Variants in FMN1 observed in about 807,000 individuals in gnomAD.
FMN1 encodes the protein formin-1.
In FMN1, 110 loss-of-function variants were observed where a neutral mutation model predicts 132.4. That is an observed-to-expected ratio of 0.83 (90% CI 0.71 to 0.97). The LOEUF is 0.97. Among genes scored for constraint, FMN1 ranks in the 50% least tolerant of loss-of-function variants. FMN1 has a pLI of 0.00. For synonymous variants in FMN1, 722 were observed against 651.7 expected, an observed-to-expected ratio of 1.11 and a Z score of -1.64; for missense variants, 1,792 against 1,705.3, an observed-to-expected ratio of 1.05 and a Z score of -0.90.
intron 9 of FMN1, among the ~76,000 whole-genome samples, chr15:32,945,999 T>TG (rs150243542): frequency 0.085 from 13,013 of 152,282 alleles, 876 homozygotes; most frequent in African/African-American, 0.18. Context: ...TAACAGCTGC[T>TG]GATATGTAAG....
intron 17 of FMN1, among the ~76,000 whole-genome samples, chr15:32,840,117 CTG>C (rs1483860616): frequency 1.3e-5 from 2 of 152,178 alleles, no homozygotes; most frequent in Non-Finnish European, 2.9e-5. Context: ...AGCTTGAGGT[CTG>C]TGGGCGAAAC....
intron 4 of FMN1, among the ~76,000 whole-genome samples, chr15:33,146,681 G>A (rs1396323450): frequency 3.3e-5 from 5 of 151,996 alleles, no homozygotes; most frequent in African/African-American, 9.7e-5. Context: ...CACAGCCCAG[G>A]GGCCACAAAG....
chr15:33,068,350 C>G (rs759322749), intron 5 of FMN1, among the ~76,000 whole-genome samples: 1 of 152,148 alleles, frequency 6.6e-6, no homozygotes, highest in Non-Finnish European at 1.5e-5. Context: ...AGTGCTGAGC[C>G]GGCAAGCTGA....
intron 4 of FMN1, among the ~76,000 whole-genome samples, chr15:33,136,911 A>T: frequency 6.6e-6 from 1 of 152,054 alleles, no homozygotes; most frequent in East Asian, 1.9e-4. Flanking sequence ...AACATGGTGA[A>T]ACCCTGTCTC....
At chr15:32,783,569 C>T (rs1161640448) in intron 19 of FMN1, among the ~76,000 whole-genome samples, 2 of 151,760 alleles carry the variant, frequency 1.3e-5, no homozygotes, top group Non-Finnish European at 1.5e-5. Context: ...CAGTGAATCC[C>T]CATCTCGACT....
At chr15:32,867,313 T>G (rs555906874) in intron 16 of FMN1, among the ~76,000 whole-genome samples, 1 of 152,224 alleles carries the variant, frequency 6.6e-6, no homozygotes, top group African/African-American at 2.4e-5. Flanking sequence ...AGGCCCTCCA[T>G]GCGCTACGTC....
At chr15:32,831,804 T>C (rs1441278665) in intron 17 of FMN1, among the ~76,000 whole-genome samples, 2 of 151,730 alleles carry the variant, frequency 1.3e-5, no homozygotes, top group African/African-American at 2.4e-5. Flanking sequence ...TGGGGATGCC[T>C]GTTCCCGGTG....
intron 5 of FMN1, chr15:33,067,875 C>T (rs192246010): frequency 1.1e-5 from 18 of 1,609,234 alleles, no homozygotes; most frequent in Admixed American, 5.0e-5. Flanking sequence ...GAATTATCAA[C>T]GTTCTCCATG....
intron 7 of FMN1, among the ~76,000 whole-genome samples, chr15:33,003,358 G>A (rs1271109578): frequency 6.6e-6 from 1 of 152,124 alleles, no homozygotes; most frequent in African/African-American, 2.4e-5. Flanking sequence ...AAAGTCTCAG[G>A]ATACAAAATC....
intron 9 of FMN1, among the ~76,000 whole-genome samples, chr15:32,952,507 TGAAGGC>T (rs2061676148): frequency 1.3e-5 from 2 of 152,170 alleles, no homozygotes; most frequent in Admixed American, 6.5e-5. Flanking sequence ...ACACCCAAGG[TGAAGGC>T]TCCAAAATCT....
At chr15:32,931,665 T>C (rs1417444495) in intron 9 of FMN1, among the ~76,000 whole-genome samples, 1 of 152,226 alleles carries the variant, frequency 6.6e-6, no homozygotes, top group Non-Finnish European at 1.5e-5. Flanking sequence ...TCTTACTATT[T>C]CATTTCCAAC....
intron 7 of FMN1, among the ~76,000 whole-genome samples, chr15:32,976,469 G>C (rs2032213457): frequency 6.6e-6 from 1 of 152,072 alleles, no homozygotes; most frequent in Non-Finnish European, 1.5e-5. Flanking sequence ...TAGTTAATTG[G>C]CTTATACTAG....
chr15:32,770,620 C>G lies in FMN1; in HGVS notation c.*3690G>C, dbSNP rs2056201043. The G allele has an allele frequency of 6.6e-6, 1 of 152,052 alleles. No homozygotes were observed. The highest frequency in any genetic ancestry group is 1.5e-5 in the Non-Finnish European group (1 of 68,024). The allele number at this position is 152,052 out of a possible 1,614,324, so 9.4% of individuals were successfully genotyped here. A position where few individuals can be genotyped will look rare whatever the true frequency, so the allele number is the denominator to read the frequency against. On this transcript the variant is annotated 3_prime_UTR_variant, in exon 21 of 21. Coordinates refer to ENST00000616417, the MANE Select transcript of FMN1 (RefSeq NM_001277313.2). The stretch of plus-strand genomic sequence containing the variant: ...TCTGAACTTTTCATTTAGGAAACAC[C>G]ATTCTTCATGGTGCTTATGAAAACA...
chr15:33,106,275 CACACA>C (rs2039481061), intron 4 of FMN1: 1 of 15,178 alleles, frequency 6.6e-5, no homozygotes, highest in African/African-American at 4.1e-4. Flanking sequence ...AACCAGAATC[CACACA>C]CACACACACA....
intron 17 of FMN1, among the ~76,000 whole-genome samples, chr15:32,856,496 C>A (rs186959192): frequency 1.3e-5 from 2 of 152,296 alleles, no homozygotes; most frequent in African/African-American, 4.8e-5. Context: ...CACTGACTAA[C>A]CCCCAGAGGG....
At position 32,776,884 on chromosome 15, in the gene FMN1, G is replaced by C. The variant is rs1488599164; in HGVS notation, c.4166C>G (p.Thr1389Ser). Residue 1389 changes from threonine to serine, a missense_variant, in exon 20 of 21, where the codon ACT becomes AGT. Around this residue, in one of 3 missense-constraint regions of FMN1, gnomAD observed 1,150 missense variants for 1,043.1 expected, o/e 1.10. Transcript: ENST00000616417. ...KMAQESVSKL[T>S]SEKKVETKKI... ...CTTTGTCTCCACTTTCTTCTCTGAA[G>C]TCAACTTGCTGACTGATTCCTGAGC... The C allele has an allele frequency of 6.3e-7, 1 of 1,596,720 alleles. No individual in the cohort carries two copies. The highest frequency in any genetic ancestry group is 8.5e-7 in the Non-Finnish European group (1 of 1,170,110).
At chr15:33,019,585 A>T (rs1363305323) in intron 6 of FMN1, among the ~76,000 whole-genome samples, 1 of 152,072 alleles carries the variant, frequency 6.6e-6, no homozygotes, top group Non-Finnish European at 1.5e-5. Context: ...GCGGTGCGAA[A>T]CTCAGGCATG....
chr15:33,031,658 C>A (rs2035943721), intron 6 of FMN1, among the ~76,000 whole-genome samples: 1 of 152,222 alleles, frequency 6.6e-6, no homozygotes, highest in Non-Finnish European at 1.5e-5. Flanking sequence ...GAATAAGCAG[C>A]CAGATGCATC....
chr15:32,897,985 C>T (rs192880722), intron 15 of FMN1, among the ~76,000 whole-genome samples: 132 of 151,938 alleles, frequency 8.7e-4, no homozygotes, highest in Non-Finnish European at 1.5e-3. Flanking sequence ...GTTTGGGGGG[C>T]GGGGAAACGA....
Sources: gnomAD v4.1 joint callset for allele counts (sites outside exome capture counted in the v4.1 genomes callset) on GRCh38, gnomAD v4.1.1 for gene constraint, gnomAD v4.1.1 regional missense constraint, MANE v1.5 for transcripts, NCBI Gene and HGNC (gene_info 2026-07-23, HGNC 2026-07-21) for gene names.